Variants in RTKN observed in about 807,000 individuals in gnomAD.
The protein encoded by RTKN is rhotekin.
In RTKN, 49 loss-of-function variants were observed where a neutral mutation model predicts 63.5. That is an observed-to-expected ratio of 0.77 (90% CI 0.61 to 0.98). RTKN has a LOEUF of 0.98. RTKN is among the 50% of genes least tolerant of loss of function. RTKN has a pLI of 0.00. For missense variants in RTKN, 685 were observed against 740.8 expected, an observed-to-expected ratio of 0.92 and a Z score of 0.87; for synonymous variants, 295 against 290.4, an observed-to-expected ratio of 1.02 and a Z score of -0.16.
At chr2:74,427,047 G>A in intron 11 of RTKN, 122 bp downstream of exon 11, 1 of 1,469,084 alleles carries the variant, frequency 6.8e-7, no homozygotes, top group African/African-American at 1.4e-5. Flanking sequence ...TGAGACTTGG[G>A]TCCCCAGAGA....
Position 74,428,666 on chromosome 2 carries a change from T to C in RTKN, c.922A>G (p.Thr308Ala). Residue 308 changes from threonine (T) to alanine (A), a missense_variant, in exon 8 of 12, where the codon ACT becomes GCT. Transcript: ENST00000272430. ...AGGGTACCACTTGCAGTGGGCTGAG[T>C]CATGCAGAGAGGCTGAGCTGCCAGA... The part of the protein sequence containing the change: ...CRLAAQPLCM[T>A]QPTASGTLRV... 6.2e-7 allele frequency: 1 copy of C among 1,613,610 alleles called. No individual in the cohort carries two copies. The highest frequency in any genetic ancestry group is 1.1e-5 in the South Asian group (1 of 91,000).
chr2:74,428,325 C>A lies in RTKN; in HGVS notation c.1029G>T (p.Arg343=). The stretch of plus-strand genomic sequence containing the variant: ...CCCCAGTGTCTGCATCCTCAGGTTG[C>A]CGGTAACAGAAGAGGTTTGTGCCTT... ...VLKGTNLFCY[R]QPEDADTGEE... Residue 343 remains arginine (R), a synonymous_variant, in exon 9 of 12, where the codon CGG becomes CGT. Transcript: ENST00000272430. The A allele has an allele frequency of 6.2e-7, 1 of 1,614,120 alleles. No individual in the cohort carries two copies. Among genetic ancestry groups the A allele is most frequent in the Non-Finnish European group, 8.5e-7 (1 of 1,180,014 alleles).
intron 2 of RTKN, chr2:74,432,237 C>T (rs945648892): frequency 2.9e-6 from 2 of 690,496 alleles, no homozygotes; most frequent in African/African-American, 3.5e-5. Flanking sequence ...AGATCAGCTA[C>T]CTTTCACCAG....
At position 74,436,799 on chromosome 2, in the gene RTKN, G is replaced by A. The variant is rs570613897; in HGVS notation, c.112-4133C>T. Among the ~76,000 whole-genome samples, 2 of 152,282 alleles carry A rather than the reference G, an allele frequency of 1.3e-5. No individual in the cohort carries two copies. Among genetic ancestry groups the A allele is most frequent in the South Asian group, 4.1e-4 (2 of 4,824 alleles). Reference sequence around the variant, plus strand: ...CTGGCTCCCACCCTTTCAGGCAGAGGAACTGGGAATCCTGGCTCAGGATCT... The same window carrying A: ...CTGGCTCCCACCCTTTCAGGCAGAGAAACTGGGAATCCTGGCTCAGGATCT... On this transcript the variant is annotated intron_variant, in intron 1 of 11. Coordinates refer to ENST00000272430, the MANE Select transcript of RTKN (RefSeq NM_001015055.2). The surrounding 1 kb of genome is among the most constrained non-coding windows in gnomAD (Gnocchi z 4.3).
At chr2:74,431,483 G>T (rs565592929) in intron 2 of RTKN, among the ~76,000 whole-genome samples, 1 of 152,316 alleles carries the variant, frequency 6.6e-6, no homozygotes, top group East Asian at 1.9e-4. Flanking sequence ...TAAATGATGT[G>T]GCACTAATGG....
In RTKN at chr2:74,441,570, A is replaced by G. The variant is rs541463600; in HGVS notation, c.111+136T>C. On this transcript the variant is annotated intron_variant, in intron 1 of 11. Transcript: ENST00000272430. ...CGTCCACACCTTACTTTTTAAGTCA[A>G]CAACTCCGTCGGGTTTGTACCCAGA... The G allele has an allele frequency of 2.0e-5, 13 of 635,576 alleles. No homozygotes were observed. The African/African-American group carries it at 2.4e-4, about 12-fold the overall frequency. The allele number at this position is 635,576 out of a possible 1,614,324, so 39.4% of individuals were successfully genotyped here.
chr2:74,439,928 C>T, intron 1 of RTKN: 1 of 1,217,866 alleles, frequency 8.2e-7, no homozygotes, highest in Non-Finnish European at 1.0e-6. Context: ...GCAGAGGGGG[C>T]TCTAGGCACA....
At chr2:74,435,332 G>A (rs569959369) in intron 1 of RTKN, among the ~76,000 whole-genome samples, 24 of 152,312 alleles carry the variant, frequency 1.6e-4, no homozygotes, top group African/African-American at 4.8e-4. Context: ...ATAGTCCTAG[G>A]GCTGTGAGAA....
At chr2:74,426,707 C>G (rs1573232896) in intron 11 of RTKN, 133 bp from the exon 12 acceptor site, 1 of 1,397,656 alleles carries the variant, frequency 7.2e-7, no homozygotes, top group Non-Finnish European at 9.2e-7. Flanking sequence ...TTGCGTTATC[C>G]TGCAGGAGCA....
chr2:74,426,766 G>C lies in RTKN; in HGVS notation c.1361-192C>G, dbSNP rs543731155. 544 of 1,369,764 alleles carry C rather than the reference G, an allele frequency of 4.0e-4. 3 individuals carry two copies. The South Asian group carries it at 9.8e-3, about 25-fold the overall frequency. The allele number at this position is 1,369,764 out of a possible 1,614,324, so 84.9% of individuals were successfully genotyped here. A position where few individuals can be genotyped will look rare whatever the true frequency, so the allele number is the denominator to read the frequency against. ...GCTACAGGCTCTGATAAGACTGTGG[G>C]ACATGGGGCACAAGGTAGATGGGGA... On this transcript the variant is annotated intron_variant, in intron 11 of 11. Transcript: ENST00000272430.
intron 6 of RTKN, among the ~76,000 whole-genome samples, chr2:74,429,485 G>A (rs1670613149): frequency 6.6e-6 from 1 of 152,210 alleles, no homozygotes; most frequent in South Asian, 2.1e-4. Flanking sequence ...ACCACTTTGG[G>A]AGGCCGAGGC....
At chr2:74,428,565 A>G (rs1670550523) in intron 8 of RTKN, 66 bp downstream of exon 8, 17 of 1,542,462 alleles carry the variant, frequency 1.1e-5, no homozygotes, top group Non-Finnish European at 1.3e-5. Flanking sequence ...TAGCTCTTCT[A>G]TTCCTGGTTA....
chr2:74,441,770 G>A lies in RTKN; in HGVS notation c.47C>T (p.Ser16Phe). ...HRSRVTVARG[S>F]ALEMEFKRGR... ...GCGTTTGAACTCCATCTCCAGGGCGGAGCCCCTGGCCACGGTGACCCGGCT... is the reference window on the plus strand; with the variant it reads ...GCGTTTGAACTCCATCTCCAGGGCGAAGCCCCTGGCCACGGTGACCCGGCT... The change falls in exon 1 of 12, where the codon TCC (serine) becomes TTC (phenylalanine). Residue 16 changes from serine (S) to phenylalanine (F), a missense_variant. Transcript: ENST00000272430. The A allele has an allele frequency of 6.2e-7, 1 of 1,612,104 alleles. No homozygotes were observed. Among genetic ancestry groups the A allele is most frequent in the South Asian group, 1.1e-5 (1 of 90,660 alleles).
At position 74,426,394 on chromosome 2, in the gene RTKN, C is replaced by T; in HGVS notation, c.1541G>A (p.Gly514Glu). ...ATCCAGGGAAAAGGTTCGGGGTCTC[C>T]CCCAGGGCAGGGGGTGGGTCCAGTC... ...APDWTHPLPWGRPRTFSLDAV... is the reference protein window; with the variant it reads ...APDWTHPLPWERPRTFSLDAV... The change falls in exon 12 of 12, where the codon GGG becomes GAG. Residue 514 changes from glycine (G) to glutamate (E), a missense_variant. Gly to Glu is a moderately conservative substitution (Grantham distance 98, BLOSUM62 -2). Transcript: ENST00000272430. The T allele has an allele frequency of 6.2e-7, 1 of 1,611,578 alleles. No individual in the cohort carries two copies. The highest frequency in any genetic ancestry group is 8.5e-7 in the Non-Finnish European group (1 of 1,178,860).
Position 74,441,922 on chromosome 2 carries a change from G to T in RTKN, c.-106C>A, listed in dbSNP as rs1572907052. On this transcript the variant is annotated 5_prime_UTR_variant, in exon 1 of 12. Coordinates refer to ENST00000272430, the MANE Select transcript of RTKN (RefSeq NM_001015055.2). ...TCGACGCTCGTCCGCCAGTCCGGCC[G>T]GGAATCTCCCGCTGCGGGGCTCCAA... 3 of 705,982 alleles carry T rather than the reference G, an allele frequency of 4.2e-6. No individual in the cohort carries two copies. Among genetic ancestry groups the T allele is most frequent in the Non-Finnish European group, 7.2e-6 (3 of 418,732 alleles). The allele number at this position is 705,982 out of a possible 1,614,324, so 43.7% of individuals were successfully genotyped here. A position where few individuals can be genotyped will look rare whatever the true frequency, so the allele number is the denominator to read the frequency against.
At chr2:74,439,040 T>G (rs1671206325) in intron 1 of RTKN, among the ~76,000 whole-genome samples, 1 of 152,158 alleles carries the variant, frequency 6.6e-6, no homozygotes, top group African/African-American at 2.4e-5. Flanking sequence ...TCTCGGCATT[T>G]TGGGAGGTCG....
intron 1 of RTKN, chr2:74,439,822 C>T (rs1671253640): frequency 7.1e-6 from 10 of 1,399,684 alleles, no homozygotes; most frequent in Non-Finnish European, 9.3e-6. Context: ...AAATTTTCCT[C>T]GCCCACTGCT....
chr2:74,432,726 CTCCCCAG>C, intron 1 of RTKN, 60 bp from the exon 2 acceptor site: 1 of 1,477,516 alleles, frequency 6.8e-7, no homozygotes, highest in East Asian at 2.3e-5. Flanking sequence ...GGCTAAAGCA[CTCCCCAG>C]TCCCCAGGTG....
chr2:74,430,724 C>G, intron 2 of RTKN, 47 bp from the exon 3 acceptor site: 1 of 1,569,776 alleles, frequency 6.4e-7, no homozygotes, highest in Non-Finnish European at 8.7e-7. Flanking sequence ...GCCACTATTC[C>G]CCCTTGCTCT....
Sources: allele counts gnomAD v4.1 joint callset (sites outside exome capture counted in the v4.1 genomes callset), GRCh38; gene constraint gnomAD v4.1.1; non-coding constraint Gnocchi (gnomAD v3.1); transcripts MANE v1.5; gene names NCBI Gene and HGNC (gene_info 2026-07-23, HGNC 2026-07-21).